SLC44A5: variants seen among roughly 807,000 people sequenced by gnomAD.
SLC44A5 encodes choline transporter-like protein 5.
A neutral mutation model predicts 101.8 loss-of-function variants in SLC44A5; 57 were observed. The observed-to-expected ratio is 0.56, with a 90% CI of 0.45 to 0.70. The LOEUF (loss-of-function observed/expected upper bound fraction) is 0.70, where lower values mean the gene tolerates loss of function less well. Ranked by LOEUF, SLC44A5 falls within the 30% of genes least tolerant of loss-of-function variation. SLC44A5 has a pLI of 0.00. For missense variants in SLC44A5, 737 were observed against 853.1 expected (o/e 0.86, Z 1.70); for synonymous variants, 281 against 290.9 (o/e 0.97, Z 0.35).
At chr1:75,404,678 A>G (rs776432625) in intron 2 of SLC44A5, among the ~76,000 whole-genome samples, 1 of 152,224 alleles carries the variant, frequency 6.6e-6, no homozygotes, top group African/African-American at 2.4e-5. Context: ...GGACTGCCTT[A>G]CAAGAGTTCC....
intron 3 of SLC44A5, among the ~76,000 whole-genome samples, chr1:75,384,257 C>G (rs1285523004): frequency 6.6e-6 from 1 of 152,084 alleles, no homozygotes; most frequent in South Asian, 2.1e-4. Flanking sequence ...AAGACACAGA[C>G]TGGCAAATTG....
chr1:75,347,212 A>G (rs2101055581), intron 3 of SLC44A5, among the ~76,000 whole-genome samples: 3 of 152,294 alleles, frequency 2.0e-5, no homozygotes, highest in Admixed American at 2.0e-4. Flanking sequence ...AGCTAGTGAT[A>G]ACATCTCTCC....
chr1:75,677,787 G>A, the SLC44A5 span: 1 of 424,610 alleles, frequency 2.4e-6, no homozygotes, highest in Non-Finnish European at 4.6e-6. Flanking sequence ...AACAGCTCCG[G>A]TCTACAGCTC....
chr1:75,271,837 TG>T (rs1651506035), intron 6 of SLC44A5, among the ~76,000 whole-genome samples: 1 of 152,150 alleles, frequency 6.6e-6, no homozygotes, highest in Non-Finnish European at 1.5e-5. Flanking sequence ...TACCCAGTAA[TG>T]GGATTGCTGA....
chr1:75,547,601 T>G (rs211765), intron 1 of SLC44A5, among the ~76,000 whole-genome samples: 144,754 of 152,244 alleles, frequency 0.95, 68,854 homozygotes, highest in East Asian at 0.98. Flanking sequence ...CATTTTGCTT[T>G]TTGAGTCTTT....
chr1:75,543,647 A>G (rs940572525), intron 1 of SLC44A5, among the ~76,000 whole-genome samples: 2 of 135,878 alleles, frequency 1.5e-5, no homozygotes, highest in African/African-American at 5.5e-5. Context: ...ACACATATAT[A>G]TACACATATA....
intron 1 of SLC44A5, among the ~76,000 whole-genome samples, chr1:75,578,341 C>T (rs1673490250): frequency 6.6e-6 from 1 of 152,102 alleles, no homozygotes; most frequent in South Asian, 2.1e-4. Context: ...ACATCTAACA[C>T]ACCAATATTT....
chr1:75,457,457 T>C (rs1291110735), intron 2 of SLC44A5, among the ~76,000 whole-genome samples: 1 of 152,100 alleles, frequency 6.6e-6, no homozygotes, highest in Non-Finnish European at 1.5e-5. Flanking sequence ...AGAATAATAA[T>C]AACTAACCCC....
At chr1:75,422,351 T>C (rs1664059824) in intron 2 of SLC44A5, among the ~76,000 whole-genome samples, 1 of 152,180 alleles carries the variant, frequency 6.6e-6, no homozygotes, top group South Asian at 2.1e-4. Context: ...TTCATAGCCT[T>C]ATCCAGTTTC....
chr1:75,428,286 C>A (rs1321571245), intron 2 of SLC44A5, among the ~76,000 whole-genome samples: 1 of 152,178 alleles, frequency 6.6e-6, no homozygotes, highest in African/African-American at 2.4e-5. Context: ...ATTCAAGTGA[C>A]TAGCATCCTC....
the SLC44A5 span, among the ~76,000 whole-genome samples, chr1:75,703,428 G>A: frequency 3.7e-4 from 56 of 151,348 alleles, no homozygotes; most frequent in African/African-American, 8.8e-4. Flanking sequence ...ACCAAACACC[G>A]CATGTTCTCA....
the SLC44A5 span, among the ~76,000 whole-genome samples, chr1:75,691,127 C>A: frequency 6.6e-6 from 1 of 152,074 alleles, no homozygotes; most frequent in African/African-American, 2.4e-5. Flanking sequence ...TCACTATTTT[C>A]CAACTTGTTC....
the SLC44A5 span, among the ~76,000 whole-genome samples, chr1:75,720,112 G>C: frequency 6.6e-6 from 1 of 152,136 alleles, no homozygotes; most frequent in Admixed American, 6.5e-5. Flanking sequence ...TATTTCAATT[G>C]TCCTACATGT....
chr1:75,479,568 T>C (rs1667687776), intron 2 of SLC44A5, among the ~76,000 whole-genome samples: 1 of 152,204 alleles, frequency 6.6e-6, no homozygotes, highest in Non-Finnish European at 1.5e-5. Context: ...ATAAAGGGGA[T>C]ATCACCACTG....
the SLC44A5 span, among the ~76,000 whole-genome samples, chr1:75,636,542 A>G: frequency 6.6e-6 from 1 of 152,106 alleles, no homozygotes; most frequent in African/African-American, 2.4e-5. Context: ...CTGTTTTAAG[A>G]AGTAAATGAA....
the SLC44A5 span, among the ~76,000 whole-genome samples, chr1:75,679,200 C>G: frequency 6.6e-6 from 1 of 152,110 alleles, no homozygotes; most frequent in African/African-American, 2.4e-5. Context: ...AGGATATTAT[C>G]CAGGAGAATT....
chr1:75,545,016 C>A (rs974286435), intron 1 of SLC44A5, among the ~76,000 whole-genome samples: 5 of 152,054 alleles, frequency 3.3e-5, no homozygotes, highest in Non-Finnish European at 2.9e-5. Context: ...TAGCCCCCCA[C>A]CCTCCAAAAG....
chr1:75,472,999 G>T (rs543091386), intron 2 of SLC44A5, among the ~76,000 whole-genome samples: 1 of 152,120 alleles, frequency 6.6e-6, no homozygotes, highest in African/African-American at 2.4e-5. Flanking sequence ...CTATAAAACT[G>T]TTTTATGTTG....
chr1:75,412,371 A>G (rs1663335390), intron 2 of SLC44A5, among the ~76,000 whole-genome samples: 5 of 152,146 alleles, frequency 3.3e-5, no homozygotes, highest in Admixed American at 2.6e-4. Flanking sequence ...TGCTTCTATA[A>G]CTACATCCTG....
Sources: gnomAD v4.1 joint callset for allele counts (sites outside exome capture counted in the v4.1 genomes callset) on GRCh38, gnomAD v4.1.1 for gene constraint, MANE v1.5 for transcripts, NCBI Gene and HGNC (gene_info 2026-07-23, HGNC 2026-07-21) for gene names.